The following CAMK2B variants were observed in gnomAD, a reference collection of about 807,000 sequenced individuals.
The protein encoded by CAMK2B is calcium/calmodulin dependent protein kinase II beta, also known as calcium/calmodulin-dependent protein kinase type II subunit beta.
In CAMK2B, 27 loss-of-function variants were observed where a neutral mutation model predicts 93.7. The observed-to-expected ratio is 0.29, with a 90% CI of 0.21 to 0.40. The LOEUF is 0.40. CAMK2B is among the 10% of genes least tolerant of loss of function. CAMK2B has a pLI of 1.00. For missense variants in CAMK2B, 568 were observed against 895.8 expected (o/e 0.63, Z 4.67); for synonymous variants, 374 against 358.8 (o/e 1.04, Z -0.48).
intron 1 of CAMK2B, among the ~76,000 whole-genome samples, chr7:44,300,339 TA>T (rs1183468806): frequency 1.3e-5 from 2 of 152,094 alleles, no homozygotes; most frequent in African/African-American, 4.8e-5. Flanking sequence ...CCCAGCTATA[TA>T]TAGTAGAGAC....
rs2096458995 is a variant in CAMK2B at position 44,225,078 on chromosome 7, G to A, written c.1597+1438C>T. ...GGGAAGACTCTGGAAGGGCAGGTCT[G>A]TGCTGTGGCCCCTGAAGGTGAGCCT... On this transcript the variant is annotated intron_variant, in intron 20 of 23. Coordinates refer to ENST00000395749, the MANE Select transcript of CAMK2B (RefSeq NM_001220.5). This position sits in a 1 kb window ranked among gnomAD's most constrained non-coding sequence, Gnocchi z 5.0. Among the ~76,000 whole-genome samples, 1 of 152,010 alleles carries A rather than the reference G, an allele frequency of 6.6e-6. No individual in the cohort carries two copies. Among genetic ancestry groups the A allele is most frequent in the Admixed American group, 6.5e-5 (1 of 15,282 alleles).
At chr7:44,246,325 T>C (rs2096729314) in intron 6 of CAMK2B, among the ~76,000 whole-genome samples, 1 of 152,024 alleles carries the variant, frequency 6.6e-6, no homozygotes, top group South Asian at 2.1e-4. Flanking sequence ...ATAGGCTGAT[T>C]TCTGAAGACT....
intron 2 of CAMK2B, among the ~76,000 whole-genome samples, chr7:44,280,642 C>T (rs1172736447): frequency 2.0e-5 from 3 of 152,236 alleles, no homozygotes; most frequent in African/African-American, 7.2e-5. Flanking sequence ...TTCACTGACA[C>T]ATGTCACGGA....
Position 44,312,540 on chromosome 7 carries a change from G to C in CAMK2B, c.65+12817C>G, listed in dbSNP as rs1458690973. ...AGAAACAGCCCCAGGTCCTTCCCGG[G>C]AGGGGCTGCCCCATAAAGTGAGGGG... On this transcript the variant is annotated intron_variant, in intron 1 of 23. Transcript: ENST00000395749. This position sits in a 1 kb window ranked among gnomAD's most constrained non-coding sequence, Gnocchi z 4.1. 6.6e-6 allele frequency among the ~76,000 whole-genome samples: 1 copy of C among 152,180 alleles called. No individual in the cohort carries two copies. Among genetic ancestry groups the C allele is most frequent in the Non-Finnish European group, 1.5e-5 (1 of 68,040 alleles).
intron 19 of CAMK2B, 108 bp downstream of exon 19, chr7:44,228,687 CG>C: frequency 9.2e-7 from 1 of 1,088,664 alleles, no homozygotes; most frequent in Non-Finnish European, 1.2e-6. Context: ...GCTGCGGCGC[CG>C]GGGCAGGGTA....
chr7:44,254,516 G>A (rs111497300), intron 5 of CAMK2B, 26 bp downstream of exon 5: 1 of 1,569,354 alleles, frequency 6.4e-7, no homozygotes, highest in Non-Finnish European at 8.8e-7. Flanking sequence ...AAGAGGGACA[G>A]GACAGCGTGA....
chr7:44,254,612 G>A lies in CAMK2B; in HGVS notation c.276-5C>T, dbSNP rs1390282292. 2.5e-6 allele frequency: 4 copies of A among 1,609,098 alleles called. No homozygotes were observed. Among genetic ancestry groups the A allele is most frequent in the South Asian group, 2.2e-5 (2 of 90,876 alleles). On this transcript the variant is annotated splice_region_variant and splice_polypyrimidine_tract_variant and intron_variant, in intron 4 of 23. Transcript: ENST00000395749. Reference sequence around the variant, plus strand: ...AAGAGCTCCCCACCAGTGACCCTATGGGAGAAGCATGAAGGGGTCACAGAT... The same window carrying A: ...AAGAGCTCCCCACCAGTGACCCTATAGGAGAAGCATGAAGGGGTCACAGAT...
At chr7:44,260,322 A>C (rs1377345995) in intron 3 of CAMK2B, among the ~76,000 whole-genome samples, 2 of 151,652 alleles carry the variant, frequency 1.3e-5, no homozygotes, top group South Asian at 4.2e-4. Context: ...ACATCCAGGA[A>C]CTCCATGTGG....
chr7:44,269,339 G>A (rs1057445257), intron 2 of CAMK2B, among the ~76,000 whole-genome samples: 4 of 152,240 alleles, frequency 2.6e-5, no homozygotes, highest in African/African-American at 7.2e-5. Context: ...AGTGCCCCCC[G>A]CGGGGGAAGG....
At chr7:44,276,995 G>C (rs2097051939) in intron 2 of CAMK2B, among the ~76,000 whole-genome samples, 1 of 152,164 alleles carries the variant, frequency 6.6e-6, no homozygotes, top group African/African-American at 2.4e-5. Context: ...CCATTCCAGG[G>C]CACGGACCCT....
chr7:44,285,952 G>A (rs1469161274), intron 1 of CAMK2B, among the ~76,000 whole-genome samples: 1 of 151,892 alleles, frequency 6.6e-6, no homozygotes, highest in Non-Finnish European at 1.5e-5. Flanking sequence ...TTTTCACCAT[G>A]TGCATCAGTT....
intron 15 of CAMK2B, 91 bp from the exon 16 acceptor site, chr7:44,232,957 G>C (rs2096593454): frequency 8.5e-7 from 1 of 1,182,764 alleles, no homozygotes; most frequent in African/African-American, 1.5e-5. Context: ...CAGGGAGACA[G>C]AGGAGGTGTG....
chr7:44,287,769 G>A (rs1785538169), intron 1 of CAMK2B, among the ~76,000 whole-genome samples: 1 of 152,192 alleles, frequency 6.6e-6, no homozygotes, highest in South Asian at 2.1e-4. Context: ...CGTCCTTCAA[G>A]ATCCAATGCA....
At chr7:44,305,552 C>G (rs553919170) in intron 1 of CAMK2B, among the ~76,000 whole-genome samples, 4 of 152,244 alleles carry the variant, frequency 2.6e-5, no homozygotes, top group African/African-American at 9.6e-5. Flanking sequence ...CTGCACAGGT[C>G]CCCTGAGGTG....
chr7:44,312,313 T>G lies in CAMK2B; in HGVS notation c.65+13044A>C, dbSNP rs1584899516. On this transcript the variant is annotated intron_variant, in intron 1 of 23. Coordinates refer to ENST00000395749, the MANE Select transcript of CAMK2B (RefSeq NM_001220.5). This position sits in a 1 kb window ranked among gnomAD's most constrained non-coding sequence, Gnocchi z 4.1. ...TGGCGAGAGGGTGGTGGTGGGAGGG[T>G]GGGGCAGAGACCCAGAAGTGCCTGT... Among the ~76,000 whole-genome samples the G allele has an allele frequency of 2.7e-5, 4 of 148,410 alleles. No individual in the cohort carries two copies. The highest frequency in any genetic ancestry group is 1.3e-4 in the Admixed American group (2 of 15,008).
intron 1 of CAMK2B, among the ~76,000 whole-genome samples, chr7:44,314,673 T>G (rs1794419059): frequency 6.6e-6 from 1 of 152,216 alleles, no homozygotes; most frequent in African/African-American, 2.4e-5. Context: ...CACCAAAGTA[T>G]TTTTCATAGT....
chr7:44,278,399 C>T (rs1484358186), intron 2 of CAMK2B, among the ~76,000 whole-genome samples: 2 of 152,188 alleles, frequency 1.3e-5, no homozygotes, highest in Non-Finnish European at 2.9e-5. Flanking sequence ...CACGGTCAGA[C>T]AGCTGGGCAG....
chr7:44,240,351 A>G (rs1554382695), intron 12 of CAMK2B, among the ~76,000 whole-genome samples: 1 of 152,248 alleles, frequency 6.6e-6, no homozygotes, highest in South Asian at 2.1e-4. Flanking sequence ...CACAAAACAC[A>G]ATGTTCAGAG....
At chr7:44,229,250 C>T in intron 18 of CAMK2B, 138 bp downstream of exon 18, 1 of 643,074 alleles carries the variant, frequency 1.6e-6, no homozygotes, top group Non-Finnish European at 2.7e-6. Flanking sequence ...CCCTGGAAAG[C>T]CCCAGTGAGG....
Sources: allele counts gnomAD v4.1 joint callset (sites outside exome capture counted in the v4.1 genomes callset), GRCh38; gene constraint gnomAD v4.1.1; non-coding constraint Gnocchi (gnomAD v3.1); transcripts MANE v1.5; gene names NCBI Gene and HGNC (gene_info 2026-07-23, HGNC 2026-07-21).